CHD9: variants seen among roughly 807,000 people sequenced by gnomAD.
CHD9 encodes ATP-dependent chromatin remodeler CHD9.
CHD9 carries 77 observed loss-of-function variants against 316.1 expected under a neutral mutation model. The observed-to-expected ratio is 0.24, with a 90% CI of 0.20 to 0.29. The LOEUF (loss-of-function observed/expected upper bound fraction) is 0.29, where lower values mean the gene tolerates loss of function less well. Among genes scored for constraint, CHD9 ranks in the 10% least tolerant of loss-of-function variants. CHD9 has a pLI of 1.00. For synonymous variants in CHD9, 1,129 were observed against 1,158.3 expected (o/e 0.97, Z 0.51); for missense variants, 2,763 against 3,438.1 (o/e 0.80, Z 4.91).
chr16:53,290,849 G>A (rs1337885039), intron 27 of CHD9, among the ~76,000 whole-genome samples: 2 of 152,070 alleles, frequency 1.3e-5, no homozygotes, highest in Non-Finnish European at 1.5e-5. Flanking sequence ...CCACCACAGT[G>A]GAATATGTAT....
intron 1 of CHD9, among the ~76,000 whole-genome samples, chr16:53,143,838 A>T (rs1269056287): frequency 6.6e-6 from 1 of 152,178 alleles, no homozygotes; most frequent in African/African-American, 2.4e-5. Flanking sequence ...ATGCTGTTAC[A>T]TGTTAAGGTC....
intron 2 of CHD9, among the ~76,000 whole-genome samples, chr16:53,197,061 A>G (rs1312244712): frequency 6.6e-6 from 1 of 152,166 alleles, no homozygotes; most frequent in African/African-American, 2.4e-5. Flanking sequence ...AAGTGTTGAG[A>G]TGGATTACTG....
At chr16:53,137,430 G>A (rs1454563203) in intron 1 of CHD9, among the ~76,000 whole-genome samples, 1 of 152,136 alleles carries the variant, frequency 6.6e-6, no homozygotes, top group African/African-American at 2.4e-5. Context: ...TTTCTGTCAA[G>A]TTTGTATTTC....
chr16:53,231,737 G>C lies in CHD9; in HGVS notation c.2464G>C (p.Glu822Gln). 6.2e-7 allele frequency: 1 copy of C among 1,612,124 alleles called. No homozygotes were observed. The highest frequency in any genetic ancestry group is 8.5e-7 in the Non-Finnish European group (1 of 1,179,040). The change falls in exon 10 of 39, where the codon GAA (glutamate) becomes CAA (glutamine). Residue 822 changes from glutamate (E) to glutamine (Q), a missense_variant. Glu to Gln is a conservative substitution (Grantham distance 29). Around this residue, in one of 15 missense-constraint regions of CHD9, gnomAD observed 186 missense variants for 245.0 expected, o/e 0.76. Transcript: ENST00000447540. The stretch of plus-strand genomic sequence containing the variant: ...AGAAGATGTAGATCTTGCAAAAATA[G>C]AAGAGTTTGAACAACTGCAAGCTTC... ...LKEDVDLAKIEEFEQLQASRP... is the reference protein window; with the variant it reads ...LKEDVDLAKIQEFEQLQASRP...
intron 26 of CHD9, 79 bp from the exon 27 acceptor site, chr16:53,287,878 C>G: frequency 8.6e-7 from 1 of 1,163,838 alleles, no homozygotes; most frequent in Non-Finnish European, 1.3e-6. Context: ...AAACTAAAAC[C>G]CTCCAACAAG....
intron 3 of CHD9, among the ~76,000 whole-genome samples, chr16:53,218,605 TA>T (rs1160243624): frequency 1.3e-5 from 2 of 152,170 alleles, no homozygotes; most frequent in Admixed American, 6.5e-5. Flanking sequence ...TTGTAAATTT[TA>T]AAAAAATTTA....
intron 24 of CHD9, among the ~76,000 whole-genome samples, chr16:53,280,393 G>A (rs1417925866): frequency 6.6e-6 from 1 of 152,096 alleles, no homozygotes; most frequent in Admixed American, 6.6e-5. Context: ...TGGGGGATAG[G>A]AGACTATTAT....
intron 2 of CHD9, among the ~76,000 whole-genome samples, chr16:53,194,239 A>G (rs184358950): frequency 2.3e-3 from 352 of 152,118 alleles, no homozygotes; most frequent in African/African-American, 7.9e-3. Context: ...AAAAAAAAAA[A>G]AAGTCTAAAA....
intron 1 of CHD9, among the ~76,000 whole-genome samples, chr16:53,119,456 A>G (rs1386280492): frequency 6.6e-6 from 1 of 152,180 alleles, no homozygotes; most frequent in Non-Finnish European, 1.5e-5. Context: ...AGCTCTTCCC[A>G]TGATCCAAGT....
chr16:53,303,632 AT>A, intron 30 of CHD9, 87 bp from the exon 31 acceptor site: 1 of 972,500 alleles, frequency 1.0e-6, no homozygotes, highest in African/African-American at 1.7e-5. Flanking sequence ...TGGTATTGTT[AT>A]AAATATATAA....
chr16:53,136,090 G>A (rs1247157618), intron 1 of CHD9, among the ~76,000 whole-genome samples: 1 of 152,044 alleles, frequency 6.6e-6, no homozygotes, highest in Non-Finnish European at 1.5e-5. Flanking sequence ...ATAAGTAGAA[G>A]TTATAGTTCA....
chr16:53,271,550 C>G (rs1400576438), intron 22 of CHD9, among the ~76,000 whole-genome samples: 1 of 146,302 alleles, frequency 6.8e-6, no homozygotes, highest in Non-Finnish European at 1.5e-5. Context: ...GCCTGGCTGA[C>G]AGAGCGAGAC....
chr16:53,099,951 G>A (rs142361604), intron 1 of CHD9, among the ~76,000 whole-genome samples: 18 of 152,320 alleles, frequency 1.2e-4, no homozygotes, highest in South Asian at 2.1e-4. Flanking sequence ...GGAGGAGGAG[G>A]TGGGGAGTTG....
intron 2 of CHD9, among the ~76,000 whole-genome samples, chr16:53,158,268 T>C (rs1348409593): frequency 6.6e-6 from 1 of 152,210 alleles, no homozygotes; most frequent in African/African-American, 2.4e-5. Context: ...ATATTTGTCT[T>C]AATATACTTA....
In CHD9 at chr16:53,089,074, T is replaced by C. The variant is rs531350518; in HGVS notation, c.-165+33997T>C. On this transcript the variant is annotated intron_variant, in intron 1 of 38. Coordinates refer to ENST00000447540, the MANE Select transcript of CHD9 (RefSeq NM_001308319.2). ...TTGCAGTGAGCCGAGATCGTGCCAC[T>C]GCACTCCAACCTGGGTGACAGAGTG... Among the ~76,000 whole-genome samples the C allele has an allele frequency of 2.6e-5, 4 of 152,098 alleles. No individual in the cohort carries two copies. The East Asian group carries it at 7.8e-4, about 30-fold the overall frequency.
At chr16:53,159,583 T>C (rs1207042526) in intron 2 of CHD9, among the ~76,000 whole-genome samples, 1 of 152,160 alleles carries the variant, frequency 6.6e-6, no homozygotes, top group East Asian at 1.9e-4. Context: ...AATCTTTGTC[T>C]TTCCCATTGG....
intron 19 of CHD9, among the ~76,000 whole-genome samples, chr16:53,259,665 G>T (rs528794255): frequency 9.2e-5 from 14 of 152,096 alleles, no homozygotes; most frequent in South Asian, 6.2e-4. Context: ...GGCACATGCC[G>T]CCATGCCCAG....
intron 1 of CHD9, among the ~76,000 whole-genome samples, chr16:53,108,659 G>T (rs2037572858): frequency 6.6e-6 from 1 of 152,084 alleles, no homozygotes; most frequent in South Asian, 2.1e-4. Flanking sequence ...CAGATCACCT[G>T]AGATCAGGAG....
At position 53,268,065 on chromosome 16, in the gene CHD9, C is replaced by T; in HGVS notation, c.4656C>T (p.Phe1552=). The part of the protein sequence containing the change: ...HYRGDEKIKG[F]IWDLITPTED... Reference sequence around the variant, plus strand: ...GAGGAGATGAGAAGATTAAAGGTTTCATATGGGATCTCATTACTCCAACTG... The same window carrying T: ...GAGGAGATGAGAAGATTAAAGGTTTTATATGGGATCTCATTACTCCAACTG... Residue 1552 remains phenylalanine (F), a synonymous_variant, in exon 22 of 39, where the codon TTC becomes TTT. Coordinates refer to ENST00000447540, the MANE Select transcript of CHD9 (RefSeq NM_001308319.2). 1.9e-6 allele frequency: 3 copies of T among 1,613,108 alleles called. No individual in the cohort carries two copies. The highest frequency in any genetic ancestry group is 1.7e-4 in the Middle Eastern group (1 of 6,058).
Sources: allele counts gnomAD v4.1 joint callset (sites outside exome capture counted in the v4.1 genomes callset), GRCh38; gene constraint gnomAD v4.1.1; regional missense constraint gnomAD v4.1.1; transcripts MANE v1.5; gene names NCBI Gene and HGNC (gene_info 2026-07-23, HGNC 2026-07-21).